TRIM29: variants seen among roughly 807,000 people sequenced by gnomAD.
TRIM29 encodes tripartite motif-containing protein 29.
Under a neutral mutation model 57.3 loss-of-function variants are expected in TRIM29, and 52 were observed. The observed-to-expected ratio is 0.91, with a 90% CI of 0.73 to 1.14. The LOEUF (loss-of-function observed/expected upper bound fraction) is 1.14, where lower values mean the gene tolerates loss of function less well. Ranked by LOEUF, TRIM29 falls within the 50% of genes most tolerant of loss-of-function variation. TRIM29 has a pLI of 0.00. For missense variants in TRIM29, 753 were observed against 774.6 expected (o/e 0.97, Z 0.33); for synonymous variants, 319 against 316.9 (o/e 1.01, Z -0.07).
intron 3 of TRIM29, chr11:120,126,119 C>T (rs1863584446): frequency 3.7e-6 from 2 of 546,326 alleles, no homozygotes; most frequent in Middle Eastern, 9.8e-4. Context: ...CGACTCCCAC[C>T]TCTAAAGTGG....
chr11:120,120,091 A>G (rs1260958436), intron 6 of TRIM29, among the ~76,000 whole-genome samples: 5 of 152,066 alleles, frequency 3.3e-5, no homozygotes, highest in Non-Finnish European at 7.4e-5. Context: ...CAAGTTGACA[A>G]CTAACCACTG....
Position 120,137,843 on chromosome 11 carries a change from C to T in TRIM29, c.189G>A (p.Gly63=), listed in dbSNP as rs374755915. The change falls in exon 1 of 9, where the codon GGG becomes GGA. Residue 63 remains glycine, a synonymous_variant. Transcript: ENST00000341846. This position sits in a 1 kb window ranked among gnomAD's most constrained non-coding sequence, Gnocchi z 6.2. ...GKSLGSALKP[G]EGRSALFAGN... ...CCGCGAACAGGGCGCTCCTACCTTC[C>T]CCTGGCTTCAGGGCGCTGCCCAGGC... The T allele has an allele frequency of 3.7e-6, 6 of 1,612,304 alleles. No homozygotes were observed. The highest frequency in any genetic ancestry group is 2.2e-5 in the East Asian group (1 of 44,868).
Position 120,137,934 on chromosome 11 carries a change from G to A in TRIM29, c.98C>T (p.Thr33Ile). 1 of 1,608,986 alleles carries A rather than the reference G, an allele frequency of 6.2e-7. No homozygotes were observed. The highest frequency in any genetic ancestry group is 8.5e-7 in the Non-Finnish European group (1 of 1,179,998). ...SGPSGSLENG[T>I]KADGKDAKTT... Reference sequence around the variant, plus strand: ...CTTGGCATCCTTGCCGTCAGCCTTGGTGCCATTCTCCAGGCTGCCACTGGG... The same window carrying A: ...CTTGGCATCCTTGCCGTCAGCCTTGATGCCATTCTCCAGGCTGCCACTGGG... Residue 33 changes from threonine (T) to isoleucine (I), a missense_variant, in exon 1 of 9, where the codon ACC becomes ATC. Thr to Ile is a moderately conservative substitution (Grantham distance 89, BLOSUM62 -1). Coordinates refer to ENST00000341846, the MANE Select transcript of TRIM29 (RefSeq NM_012101.4). The surrounding 1 kb of genome is among the most constrained non-coding windows in gnomAD (Gnocchi z 6.2).
chr11:120,137,290 T>C lies in TRIM29; in HGVS notation c.742A>G (p.Met248Val), dbSNP rs1863838336. ...CTATGATTCTTGTGCTCCTGGAACA[T>C]GCAAAGGTAGCAGATGCAGGTCTGG... ...TDQTCICYLC[M>V]FQEHKNHSTV... Residue 248 changes from methionine to valine, a missense_variant, in exon 1 of 9, where the codon ATG becomes GTG. Coordinates refer to ENST00000341846, the MANE Select transcript of TRIM29 (RefSeq NM_012101.4). This position sits in a 1 kb window ranked among gnomAD's most constrained non-coding sequence, Gnocchi z 6.2. 6.2e-7 allele frequency: 1 copy of C among 1,614,140 alleles called. No homozygotes were observed. The highest frequency in any genetic ancestry group is 2.2e-5 in the East Asian group (1 of 44,864).
At chr11:120,128,742 C>T (rs779458491) in intron 1 of TRIM29, 1 of 1,535,302 alleles carries the variant, frequency 6.5e-7, no homozygotes, top group African/African-American at 1.4e-5. Flanking sequence ...GCTGGATATC[C>T]TAGCCATGTC....
intron 1 of TRIM29, among the ~76,000 whole-genome samples, chr11:120,130,458 CT>C (rs1565320395): frequency 1.3e-5 from 2 of 152,326 alleles, no homozygotes; most frequent in Admixed American, 6.5e-5. Flanking sequence ...GGTAAAAGTC[CT>C]GTCTCAAATA....
rs1444406434 is a variant in TRIM29, at chr11:120,123,338, C to T, written c.1334-283G>A. The T allele has an allele frequency of 6.5e-6, 4 of 618,010 alleles. No homozygotes were observed. In the African/African-American group the frequency reaches 7.2e-5, roughly 11 times the overall value. 38.3% of individuals were successfully genotyped at this position (618,010 alleles called of 1,614,324 possible). On this transcript the variant is annotated intron_variant, in intron 4 of 8. Coordinates refer to ENST00000341846, the MANE Select transcript of TRIM29 (RefSeq NM_012101.4). ...AACACTTCCTAGCACTTCACCTTTA[C>T]AAGGTGCTATTAATGCCCATTTCTT...
chr11:120,114,219 G>A (rs1179324989), intron 8 of TRIM29, among the ~76,000 whole-genome samples: 1 of 152,178 alleles, frequency 6.6e-6, no homozygotes, highest in Non-Finnish European at 1.5e-5. Flanking sequence ...TCTCTTCAGG[G>A]CCCCAGGCTC....
At chr11:120,135,800 C>A (rs1219678921) in intron 1 of TRIM29, among the ~76,000 whole-genome samples, 1 of 152,078 alleles carries the variant, frequency 6.6e-6, no homozygotes, top group East Asian at 1.9e-4. Flanking sequence ...GAAGGCTGGG[C>A]AGGAAGGAAT....
intron 1 of TRIM29, among the ~76,000 whole-genome samples, chr11:120,130,857 G>T (rs1264178828): frequency 6.6e-6 from 1 of 152,196 alleles, no homozygotes; most frequent in African/African-American, 2.4e-5. Context: ...ATGTGGTCAG[G>T]TGAGGGGTTG....
intron 1 of TRIM29, among the ~76,000 whole-genome samples, chr11:120,130,779 T>C (rs1407761680): frequency 6.6e-6 from 1 of 152,178 alleles, no homozygotes; most frequent in African/African-American, 2.4e-5. Context: ...ACTCACACCA[T>C]GCTCGGAGCA....
rs371944006 is a variant in TRIM29, at chr11:120,137,569, G to T, written c.463C>A (p.Arg155=). Residue 155 remains arginine, a synonymous_variant, in exon 1 of 9, where the codon CGG becomes AGG. Coordinates refer to ENST00000341846, the MANE Select transcript of TRIM29 (RefSeq NM_012101.4). The surrounding 1 kb of genome is among the most constrained non-coding windows in gnomAD (Gnocchi z 6.2). ...CGTGAAAAAAGGCCCGTGTCGGCCC[G>T]GGGGTAGCTGTTCCGCCGGGTCTCC... ...PGETRRNSYP[R]ADTGLFSRSK... The T allele has an allele frequency of 6.2e-7, 1 of 1,612,074 alleles. No homozygotes were observed.
At chr11:120,114,366 G>A (rs1863213609) in intron 8 of TRIM29, among the ~76,000 whole-genome samples, 2 of 152,094 alleles carry the variant, frequency 1.3e-5, no homozygotes, top group South Asian at 2.1e-4. Context: ...TTACATACAC[G>A]ATCACTTAGC....
At chr11:120,131,887 C>A (rs1428347753) in intron 1 of TRIM29, among the ~76,000 whole-genome samples, 1 of 148,464 alleles carries the variant, frequency 6.7e-6, no homozygotes, top group Non-Finnish European at 1.5e-5. Flanking sequence ...TAGTATGTGC[C>A]AGGACTTTTC....
At position 120,137,756 on chromosome 11, in the gene TRIM29, G is replaced by A; in HGVS notation, c.276C>T (p.Asn92=). The A allele has an allele frequency of 6.2e-7, 1 of 1,612,384 alleles. No homozygotes were observed. Among genetic ancestry groups the A allele is most frequent in the Non-Finnish European group, 8.5e-7 (1 of 1,180,030 alleles). Residue 92 remains asparagine, a synonymous_variant, in exon 1 of 9, where the codon AAC becomes AAT. Coordinates refer to ENST00000341846, the MANE Select transcript of TRIM29 (RefSeq NM_012101.4). The surrounding 1 kb of genome is among the most constrained non-coding windows in gnomAD (Gnocchi z 6.2). ...FVESGDDKNS[N]YFSMDSMEGK... ...CTTCCATAGAGTCCATGCTGAAGTA[G>A]TTGGAGTTCTTGTCGTCCCCGGACT... is the stretch of plus-strand genomic sequence containing the variant.
At chr11:120,113,515 C>A in intron 8 of TRIM29, 1 of 415,250 alleles carries the variant, frequency 2.4e-6, no homozygotes, top group South Asian at 1.7e-5. Flanking sequence ...CAGGAGACAT[C>A]ATTTGCCCCT....
Position 120,112,332 on chromosome 11 carries a change from A to C in TRIM29, c.*82T>G, listed in dbSNP as rs1319342210. The C allele has an allele frequency of 3.8e-6, 6 of 1,559,732 alleles. No homozygotes were observed. Among genetic ancestry groups the C allele is most frequent in the Non-Finnish European group, 4.4e-6 (5 of 1,134,768 alleles). ...GGACCAGGCTCCCTCCCACCCAGAC[A>C]AGCACAGTAGCTTAGAAGGCAAGAG... On this transcript the variant is annotated 3_prime_UTR_variant, in exon 9 of 9. Transcript: ENST00000341846.
In TRIM29 at chr11:120,113,449, T is replaced by C. The variant is rs563007006; in HGVS notation, c.1705-973A>G. Reference sequence around the variant, plus strand: ...CCCCGGGGGTCTCAGGAAGAGGATTTGTCCCTGAGCTGGGTCAGAGACTGA... The same window carrying C: ...CCCCGGGGGTCTCAGGAAGAGGATTCGTCCCTGAGCTGGGTCAGAGACTGA... On this transcript the variant is annotated intron_variant, in intron 8 of 8. Coordinates refer to ENST00000341846, the MANE Select transcript of TRIM29 (RefSeq NM_012101.4). 10 of 322,720 alleles carry C rather than the reference T, an allele frequency of 3.1e-5. No homozygotes were observed. The East Asian group carries it at 7.7e-4, about 25-fold the overall frequency. 20.0% of individuals were successfully genotyped at this position (322,720 alleles called of 1,614,324 possible).
chr11:120,138,018 T>C lies in TRIM29; in HGVS notation c.14A>G (p.Asp5Gly), dbSNP rs1468223629. ...GCTCGACCCGTTGCTCCTGGAGGCATCTGCAGCTTCCATCGCAGGGTGCTT... is the reference window on the plus strand; with the variant it reads ...GCTCGACCCGTTGCTCCTGGAGGCACCTGCAGCTTCCATCGCAGGGTGCTT... Reference protein sequence around the residue: MEAADASRSNGSSPE... With the variant: MEAAGASRSNGSSPE... Residue 5 changes from aspartate (D) to glycine (G), a missense_variant, in exon 1 of 9, where the codon GAT becomes GGT. Asp to Gly is a moderately conservative substitution (Grantham distance 94, BLOSUM62 -1). Coordinates refer to ENST00000341846, the MANE Select transcript of TRIM29 (RefSeq NM_012101.4). The C allele has an allele frequency of 6.3e-7, 1 of 1,597,860 alleles. No individual in the cohort carries two copies. Among genetic ancestry groups the C allele is most frequent in the East Asian group, 2.2e-5 (1 of 44,816 alleles).
Sources: allele counts gnomAD v4.1 joint callset (sites outside exome capture counted in the v4.1 genomes callset), GRCh38; gene constraint gnomAD v4.1.1; non-coding constraint Gnocchi (gnomAD v3.1); transcripts MANE v1.5; gene names NCBI Gene and HGNC (gene_info 2026-07-23, HGNC 2026-07-21).